BRINP3: variants seen among roughly 807,000 people sequenced by gnomAD.
BRINP3 encodes the protein BMP/retinoic acid-inducible neural-specific protein 3.
Under a neutral mutation model 71.0 loss-of-function variants are expected in BRINP3, and 19 were observed. That is an observed-to-expected ratio of 0.27 (90% CI 0.19 to 0.39). BRINP3 has a LOEUF of 0.39. Ranked by LOEUF, BRINP3 falls within the 10% of genes least tolerant of loss-of-function variation. BRINP3 has a pLI of 1.00. For synonymous variants in BRINP3, 380 were observed against 337.7 expected, an observed-to-expected ratio of 1.13 and a Z score of -1.37; for missense variants, 959 against 940.8, an observed-to-expected ratio of 1.02 and a Z score of -0.25.
At chr1:190,159,371 T>C (rs754714732) in intron 7 of BRINP3, among the ~76,000 whole-genome samples, 32 of 152,052 alleles carry the variant, frequency 2.1e-4, no homozygotes, top group Admixed American at 3.9e-4. Flanking sequence ...CTTTGGTATA[T>C]ACCCAAGAAA....
chr1:190,425,282 A>G (rs1266205161), intron 2 of BRINP3, among the ~76,000 whole-genome samples: 2 of 151,738 alleles, frequency 1.3e-5, no homozygotes, highest in Non-Finnish European at 3.0e-5. Context: ...TATGAGTTGA[A>G]AAGAGATCTA....
chr1:190,449,527 T>A (rs1402985412), intron 2 of BRINP3, among the ~76,000 whole-genome samples: 1 of 152,056 alleles, frequency 6.6e-6, no homozygotes, highest in Non-Finnish European at 1.5e-5. Context: ...TACTGTCATG[T>A]AATGCAAGTC....
chr1:190,223,851 A>G (rs947327971), intron 6 of BRINP3, among the ~76,000 whole-genome samples: 4 of 151,880 alleles, frequency 2.6e-5, no homozygotes, highest in Admixed American at 6.6e-5. Context: ...TACAGAAATC[A>G]ACAAATAATC....
At chr1:190,322,918 C>G (rs1471648734) in intron 2 of BRINP3, among the ~76,000 whole-genome samples, 3 of 151,968 alleles carry the variant, frequency 2.0e-5, no homozygotes, top group East Asian at 3.9e-4. Context: ...TTAATTTGAT[C>G]AGCTCTTTTA....
chr1:190,359,334 C>A (rs1470396992), intron 2 of BRINP3, among the ~76,000 whole-genome samples: 2 of 151,996 alleles, frequency 1.3e-5, no homozygotes, highest in Non-Finnish European at 2.9e-5. Flanking sequence ...ACCATGGGGA[C>A]TGACCATATC....
intron 4 of BRINP3, among the ~76,000 whole-genome samples, chr1:190,235,453 C>T (rs1342681459): frequency 2.0e-5 from 3 of 152,026 alleles, no homozygotes; most frequent in African/African-American, 7.2e-5. Context: ...TTGCAAAACA[C>T]AATTTAGATA....
intron 7 of BRINP3, among the ~76,000 whole-genome samples, chr1:190,105,160 G>A (rs766977335): frequency 2.0e-5 from 3 of 151,990 alleles, no homozygotes; most frequent in South Asian, 2.1e-4. Flanking sequence ...AGTTTTGGCA[G>A]CGTTGCCTAG....
intron 7 of BRINP3, among the ~76,000 whole-genome samples, 183 bp downstream of exon 7, chr1:190,160,485 G>A (rs879493757): frequency 3.3e-5 from 5 of 151,840 alleles, no homozygotes; most frequent in Non-Finnish European, 7.4e-5. Flanking sequence ...TTTTCTCATT[G>A]TACTATTACT....
chr1:190,441,028 T>G (rs894228128), intron 2 of BRINP3, among the ~76,000 whole-genome samples: 3 of 152,018 alleles, frequency 2.0e-5, no homozygotes, highest in Admixed American at 6.6e-5. Flanking sequence ...TATTTTCTCC[T>G]TAGATGGGAC....
intron 2 of BRINP3, among the ~76,000 whole-genome samples, chr1:190,401,935 T>C (rs1251612449): frequency 1.3e-5 from 2 of 151,968 alleles, no homozygotes; most frequent in African/African-American, 4.8e-5. Context: ...AGCAACTATA[T>C]ATATATATAT....
chr1:190,235,465 C>T (rs941409200), intron 4 of BRINP3, among the ~76,000 whole-genome samples: 1 of 152,028 alleles, frequency 6.6e-6, no homozygotes, highest in African/African-American at 2.4e-5. Flanking sequence ...ATTTAGATAA[C>T]TTCATTCCAA....
intron 2 of BRINP3, among the ~76,000 whole-genome samples, chr1:190,434,678 T>G (rs190919805): frequency 6.6e-6 from 1 of 152,158 alleles, no homozygotes; most frequent in Admixed American, 6.5e-5. Flanking sequence ...ATAAAATTAG[T>G]TTTGACCTTT....
intron 2 of BRINP3, among the ~76,000 whole-genome samples, chr1:190,421,626 A>G (rs1372466299): frequency 9.2e-5 from 14 of 151,722 alleles, no homozygotes; most frequent in Admixed American, 9.2e-4. Flanking sequence ...ATCACATGTC[A>G]CTTATGTGAC....
At chr1:190,165,781 G>T (rs1430423948) in intron 6 of BRINP3, among the ~76,000 whole-genome samples, 1 of 151,904 alleles carries the variant, frequency 6.6e-6, no homozygotes, top group East Asian at 1.9e-4. Context: ...AAATTGGCAA[G>T]ATATGAAAGA....
chr1:190,250,604 T>C (rs1244926733), intron 4 of BRINP3, among the ~76,000 whole-genome samples: 1 of 151,904 alleles, frequency 6.6e-6, no homozygotes, highest in Non-Finnish European at 1.5e-5. Flanking sequence ...ATAGAGATCA[T>C]TATCTGTCAG....
intron 7 of BRINP3, among the ~76,000 whole-genome samples, chr1:190,102,645 GAAAGGGAGGGGATA>G (rs1354208572): frequency 6.6e-6 from 1 of 151,986 alleles, no homozygotes; most frequent in Non-Finnish European, 1.5e-5. Context: ...AGAAACTAAG[GAAAGGGAGGGGATA>G]AATACATTAT....
intron 4 of BRINP3, among the ~76,000 whole-genome samples, chr1:190,262,391 C>T (rs1295078451): frequency 6.6e-6 from 1 of 152,214 alleles, no homozygotes; most frequent in Non-Finnish European, 1.5e-5. Flanking sequence ...CTCACGCTTG[C>T]ACTCCCTATG....
intron 2 of BRINP3, among the ~76,000 whole-genome samples, chr1:190,447,627 T>TAC (rs1393067136): frequency 1.3e-4 from 20 of 148,260 alleles, no homozygotes; most frequent in African/African-American, 5.0e-4. Context: ...TCTCTCTATA[T>TAC]ATATATACTA....
chr1:190,276,476 C>A (rs942423729), intron 3 of BRINP3, among the ~76,000 whole-genome samples: 2 of 151,394 alleles, frequency 1.3e-5, no homozygotes, highest in Non-Finnish European at 1.5e-5. Flanking sequence ...TATGGGAATG[C>A]AAATAACCCA....
Sources: gnomAD v4.1 joint callset for allele counts (sites outside exome capture counted in the v4.1 genomes callset) on GRCh38, gnomAD v4.1.1 for gene constraint, MANE v1.5 for transcripts, NCBI Gene and HGNC (gene_info 2026-07-23, HGNC 2026-07-21) for gene names.